Variants in SSH2 observed in about 807,000 individuals in gnomAD.
SSH2 encodes the protein slingshot protein phosphatase 2, also known as protein phosphatase Slingshot homolog 2.
A neutral mutation model predicts 135.2 loss-of-function variants in SSH2; 37 were observed. The observed-to-expected ratio is 0.27, with a 90% CI of 0.21 to 0.36. The LOEUF (loss-of-function observed/expected upper bound fraction) is 0.36, where lower values mean the gene tolerates loss of function less well. SSH2 is among the 10% of genes least tolerant of loss of function. The pLI, the probability that SSH2 is intolerant of heterozygous loss-of-function variation, is 1.00. For synonymous variants in SSH2, 628 were observed against 646.2 expected, an observed-to-expected ratio of 0.97 and a Z score of 0.43; for missense variants, 1,408 against 1,765.3, an observed-to-expected ratio of 0.80 and a Z score of 3.63.
chr17:29,786,096 G>A (rs894080536), intron 3 of SSH2, among the ~76,000 whole-genome samples: 7 of 152,194 alleles, frequency 4.6e-5, no homozygotes, highest in African/African-American at 1.4e-4. Context: ...GAGCCGCCGC[G>A]CCCGGCCCTG....
chr17:29,874,158 T>C (rs2065986850), intron 1 of SSH2, among the ~76,000 whole-genome samples: 1 of 151,810 alleles, frequency 6.6e-6, no homozygotes, highest in African/African-American at 2.4e-5. Flanking sequence ...CTGAGTATGG[T>C]GGTGCGTGCC....
At chr17:29,833,719 T>TTCCC (rs1311785528) in intron 2 of SSH2, among the ~76,000 whole-genome samples, 1 of 94,386 alleles carries the variant, frequency 1.1e-5, no homozygotes, top group African/African-American at 4.2e-5. Context: ...CTTTCCCTCC[T>TTCCC]TCCCTCCCTC....
chr17:29,689,607 T>C (rs1049036803), intron 5 of SSH2, among the ~76,000 whole-genome samples: 1 of 152,226 alleles, frequency 6.6e-6, no homozygotes, highest in African/African-American at 2.4e-5. Context: ...ACTGCCTAAA[T>C]GTGGAATCCT....
At chr17:29,902,372 C>T (rs141839630) in intron 1 of SSH2, among the ~76,000 whole-genome samples, 42 of 152,264 alleles carry the variant, frequency 2.8e-4, no homozygotes, top group African/African-American at 9.6e-4. Flanking sequence ...ATCCCCATCA[C>T]TATGGTAGCC....
chr17:29,859,334 G>C (rs2065720012), intron 1 of SSH2, among the ~76,000 whole-genome samples: 1 of 151,646 alleles, frequency 6.6e-6, no homozygotes, highest in Admixed American at 6.6e-5. Flanking sequence ...TATATATGCA[G>C]GTTTGTTATA....
intron 2 of SSH2, among the ~76,000 whole-genome samples, chr17:29,795,828 A>G (rs2042146865): frequency 6.6e-6 from 1 of 151,956 alleles, no homozygotes; most frequent in South Asian, 2.1e-4. Flanking sequence ...TGCAACCTCC[A>G]CCTCCCAGGA....
chr17:29,825,199 T>C (rs2042723603), intron 2 of SSH2, among the ~76,000 whole-genome samples: 1 of 152,164 alleles, frequency 6.6e-6, no homozygotes, highest in African/African-American at 2.4e-5. Flanking sequence ...CATTTTCCTA[T>C]GTGCACAATC....
At chr17:29,900,662 C>G (rs1278145676) in intron 1 of SSH2, among the ~76,000 whole-genome samples, 2 of 152,170 alleles carry the variant, frequency 1.3e-5, no homozygotes. Context: ...GAAATAGGAA[C>G]ACTTTTATGC....
At position 29,861,669 on chromosome 17, in the gene SSH2, T is replaced by G. The variant is rs188968419; in HGVS notation, c.64-12740A>C. Among the ~76,000 whole-genome samples, 15 of 152,202 alleles carry G rather than the reference T, an allele frequency of 9.9e-5. No homozygotes were observed. The East Asian group carries it at 2.7e-3, about 27-fold the overall frequency. On this transcript the variant is annotated intron_variant, in intron 1 of 15. Coordinates refer to ENST00000540801, the MANE Select transcript of SSH2 (RefSeq NM_001282129.2). ...ACCTTCCACTGCCGGGTTCAAGAGA[T>G]TCTCCTGCCTTAGCCTCCCAAGTAG...
chr17:29,836,809 A>G (rs2042950545), intron 2 of SSH2, among the ~76,000 whole-genome samples: 1 of 152,236 alleles, frequency 6.6e-6, no homozygotes, highest in South Asian at 2.1e-4. Flanking sequence ...CTCAGCAGAC[A>G]GGATCCACTG....
intron 6 of SSH2, among the ~76,000 whole-genome samples, chr17:29,678,709 A>ATTTC (rs2037832055): frequency 1.9e-5 from 1 of 52,096 alleles, no homozygotes; most frequent in Non-Finnish European, 3.5e-5. Context: ...TAAAAATACT[A>ATTTC]TTTCTTTTTT....
intron 3 of SSH2, among the ~76,000 whole-genome samples, chr17:29,750,426 G>T (rs1308953644): frequency 4.3e-5 from 6 of 140,054 alleles, no homozygotes; most frequent in South Asian, 2.2e-4. Context: ...GCAACTGAGT[G>T]AGACTCTGTC....
intron 3 of SSH2, among the ~76,000 whole-genome samples, chr17:29,752,364 G>A (rs1385335184): frequency 6.6e-6 from 1 of 152,064 alleles, no homozygotes; most frequent in Non-Finnish European, 1.5e-5. Context: ...GAGTACAGAA[G>A]TGTACTCCAA....
chr17:29,654,147 C>T (rs1323022218), intron 12 of SSH2, among the ~76,000 whole-genome samples: 1 of 152,180 alleles, frequency 6.6e-6, no homozygotes, highest in African/African-American at 2.4e-5. Flanking sequence ...AGCCAAGTCA[C>T]AGTGTTCAAA....
intron 1 of SSH2, among the ~76,000 whole-genome samples, chr17:29,915,075 A>G (rs1382710152): frequency 6.6e-6 from 1 of 152,244 alleles, no homozygotes; most frequent in Non-Finnish European, 1.5e-5. Flanking sequence ...AGACAGGTCA[A>G]GAAGACAAAT....
Position 29,815,358 on chromosome 17 carries a change from G to A in SSH2, c.145-21421C>T, listed in dbSNP as rs531443774. Among the ~76,000 whole-genome samples, 7 of 152,056 alleles carry A rather than the reference G, an allele frequency of 4.6e-5. No homozygotes were observed. In the South Asian group the frequency reaches 1.0e-3, roughly 23 times the overall value. ...AGGATGGTCTCAACCTCCTGACCTC[G>A]TGATCCGCCCGCCTTGGCCTCCCAA... On this transcript the variant is annotated intron_variant, in intron 2 of 15. Coordinates refer to ENST00000540801, the MANE Select transcript of SSH2 (RefSeq NM_001282129.2).
intron 2 of SSH2, among the ~76,000 whole-genome samples, chr17:29,808,198 G>A (rs1599027053): frequency 6.6e-6 from 1 of 151,950 alleles, no homozygotes. Context: ...GCGCAATTTC[G>A]GCTCACTGCA....
In SSH2 at chr17:29,814,144, A is replaced by AG. The variant is rs2042507250; in HGVS notation, c.145-20208_145-20207insC. Among the ~76,000 whole-genome samples the AG allele has an allele frequency of 2.6e-5, 3 of 115,918 alleles. No homozygotes were observed. The South Asian group carries it at 8.2e-4, about 32-fold the overall frequency. 76.0% of individuals were successfully genotyped at this position (115,918 alleles called of 152,430 possible). A position where few individuals can be genotyped will look rare whatever the true frequency, so the allele number is the denominator to read the frequency against. On this transcript the variant is annotated intron_variant, in intron 2 of 15. Coordinates refer to ENST00000540801, the MANE Select transcript of SSH2 (RefSeq NM_001282129.2). ...AGACTTCGTCTCAAAAAAAAAAAAA[A>AG]AAAAAAAAAGGCCGGGCACGGTGGC...
At chr17:29,635,666 C>T (rs1263288268) in intron 15 of SSH2, among the ~76,000 whole-genome samples, 2 of 152,062 alleles carry the variant, frequency 1.3e-5, no homozygotes, top group African/African-American at 2.4e-5. Flanking sequence ...CCTTGGCCTC[C>T]CAAAGTGCTG....
Sources: allele counts gnomAD v4.1 joint callset (sites outside exome capture counted in the v4.1 genomes callset), GRCh38; gene constraint gnomAD v4.1.1; transcripts MANE v1.5; gene names NCBI Gene and HGNC (gene_info 2026-07-23, HGNC 2026-07-21).